The following CLSTN2 variants were observed in gnomAD, a reference collection of about 807,000 sequenced individuals.
CLSTN2 encodes the protein calsyntenin-2.
In CLSTN2, 48 loss-of-function variants were observed where a neutral mutation model predicts 101.2. The ratio of observed to expected loss-of-function variants is 0.47; its 90% CI spans 0.38 to 0.60. The LOEUF (loss-of-function observed/expected upper bound fraction) is 0.60, where lower values mean the gene tolerates loss of function less well. CLSTN2 is among the 20% of genes least tolerant of loss of function. CLSTN2 has a pLI of 0.00. For synonymous variants in CLSTN2, 481 were observed against 463.6 expected (o/e 1.04, Z -0.48); for missense variants, 1,160 against 1,238.2 (o/e 0.94, Z 0.95).
rs1216138191 is a variant in CLSTN2, at chr3:140,365,506, T to C, written c.233-38123T>C. ...AAATGGTCTTATTTGCACAGCCCTG[T>C]ACCATTGAATAGTCCTTCCACAGGT... is the stretch of plus-strand genomic sequence containing the variant. On this transcript the variant is annotated intron_variant, in intron 2 of 16. Transcript: ENST00000458420. 3.9e-5 allele frequency among the ~76,000 whole-genome samples: 6 copies of C among 152,180 alleles called. No homozygotes were observed. The East Asian group carries it at 1.2e-3, about 29-fold the overall frequency.
At chr3:140,488,769 T>C (rs952417057) in intron 8 of CLSTN2, among the ~76,000 whole-genome samples, 2 of 149,864 alleles carry the variant, frequency 1.3e-5, no homozygotes, top group Non-Finnish European at 3.0e-5. Context: ...CACATTCAGA[T>C]TGTGGTCTTA....
intron 3 of CLSTN2, 112 bp downstream of exon 3, chr3:140,403,936 A>G: frequency 1.2e-6 from 1 of 863,190 alleles, no homozygotes; most frequent in Admixed American, 2.9e-5. Context: ...ATGGTGCTCC[A>G]ACTTTGCTCA....
chr3:140,236,700 A>G lies in CLSTN2; in HGVS notation c.232+60627A>G, dbSNP rs145719130. On this transcript the variant is annotated intron_variant, in intron 2 of 16. Transcript: ENST00000458420. ...CTCTATTTCACTTTGTATAGTTTCT[A>G]TTGCTATGTCTTCAAGTTCACCACT... Among the ~76,000 whole-genome samples the G allele has an allele frequency of 3.2e-3, 492 of 151,880 alleles. 4 individuals carry two copies. Among genetic ancestry groups the G allele is most frequent in the Non-Finnish European group, 4.6e-3 (310 of 67,962 alleles).
Position 140,448,595 on chromosome 3 carries a change from C to T in CLSTN2, c.864C>T (p.Cys288=), listed in dbSNP as rs1453413472. ...TCCCCAGCATCCACCTGGAGACGTG[C>T]GATGGAGCCGTGTCTTCCCTCCAGA... is the stretch of plus-strand genomic sequence containing the variant. ...PLFPSIHLET[C]DGAVSSLQIV... The change falls in exon 6 of 17, where the codon TGC becomes TGT. Residue 288 remains cysteine, a synonymous_variant. Transcript: ENST00000458420. 11 of 1,614,024 alleles carry T rather than the reference C, an allele frequency of 6.8e-6. No homozygotes were observed. The highest frequency in any genetic ancestry group is 1.6e-4 in the Middle Eastern group (1 of 6,062).
chr3:140,418,085 A>G, intron 4 of CLSTN2, among the ~76,000 whole-genome samples: 1 of 152,228 alleles, frequency 6.6e-6, no homozygotes, highest in East Asian at 1.9e-4. Context: ...TTCCTTTTGT[A>G]AGAGGAGTAT....
At chr3:140,405,774 A>G (rs10513112) in intron 4 of CLSTN2, among the ~76,000 whole-genome samples, 61,312 of 151,814 alleles carry the variant, frequency 0.4, 14,747 homozygotes, top group South Asian at 0.61. Context: ...CACCTTCAAC[A>G]CCTAAAATCA....
chr3:140,310,554 C>G (rs565698562), intron 2 of CLSTN2, among the ~76,000 whole-genome samples: 1 of 152,140 alleles, frequency 6.6e-6, no homozygotes, highest in East Asian at 1.9e-4. Flanking sequence ...TTCTGGGCTG[C>G]GTAGTGCCCT....
rs185001501 is a variant in CLSTN2, at chr3:140,290,038, C to T, written c.233-113591C>T. On this transcript the variant is annotated intron_variant, in intron 2 of 16. Coordinates refer to ENST00000458420, the MANE Select transcript of CLSTN2 (RefSeq NM_022131.3). ...CATTTTTAAGGCTTTTAAAACTAGA[C>T]TTTATGTAAAAGGTAGAGAAATAAG... Among the ~76,000 whole-genome samples, 19 of 150,962 alleles carry T rather than the reference C, an allele frequency of 1.3e-4. No individual in the cohort carries two copies. In the East Asian group the frequency reaches 2.3e-3, roughly 19 times the overall value.
In CLSTN2 at chr3:139,982,988, G is replaced by A. The variant is rs1012760540; in HGVS notation, c.109+47505G>A. 4.0e-5 allele frequency among the ~76,000 whole-genome samples: 6 copies of A among 149,192 alleles called. No homozygotes were observed. In the South Asian group the frequency reaches 8.4e-4, roughly 21 times the overall value. ...ACTATATATACTTTATATATATAGT[G>A]TATATATATAATCTGGCTGTGCATG... On this transcript the variant is annotated intron_variant, in intron 1 of 16. Transcript: ENST00000458420.
At chr3:140,357,310 C>G (rs974304327) in intron 2 of CLSTN2, among the ~76,000 whole-genome samples, 2 of 152,098 alleles carry the variant, frequency 1.3e-5, no homozygotes, top group Admixed American at 1.3e-4. Context: ...ATATATGCAT[C>G]AGATGGTTAA....
intron 2 of CLSTN2, among the ~76,000 whole-genome samples, chr3:140,323,793 T>C (rs1461855393): frequency 6.6e-6 from 1 of 152,220 alleles, no homozygotes; most frequent in African/African-American, 2.4e-5. Context: ...ATTTTCTCAT[T>C]TAATAAGAAG....
intron 1 of CLSTN2, among the ~76,000 whole-genome samples, chr3:140,025,069 T>C (rs1415869843): frequency 6.6e-6 from 1 of 152,186 alleles, no homozygotes; most frequent in Non-Finnish European, 1.5e-5. Context: ...GTTGGTAACT[T>C]GTCTAGGGTC....
chr3:140,112,358 T>A (rs1040182737), intron 1 of CLSTN2, among the ~76,000 whole-genome samples: 1 of 132,060 alleles, frequency 7.6e-6, no homozygotes, highest in Admixed American at 7.9e-5. Flanking sequence ...AAAGTGTGTG[T>A]GTGTGTGTGT....
At chr3:140,440,998 TC>T (rs1226993953) in intron 5 of CLSTN2, among the ~76,000 whole-genome samples, 3 of 152,224 alleles carry the variant, frequency 2.0e-5, no homozygotes, top group Non-Finnish European at 4.4e-5. Context: ...TGGTTGCAGA[TC>T]CAGGGTTGAA....
At chr3:140,106,413 C>T (rs914685762) in intron 1 of CLSTN2, among the ~76,000 whole-genome samples, 2 of 152,176 alleles carry the variant, frequency 1.3e-5, no homozygotes, top group African/African-American at 4.8e-5. Context: ...ACCATGCAGG[C>T]CAGATGTCCA....
intron 1 of CLSTN2, among the ~76,000 whole-genome samples, chr3:140,119,067 A>G (rs2009295041): frequency 6.6e-6 from 1 of 152,202 alleles, no homozygotes; most frequent in East Asian, 1.9e-4. Flanking sequence ...CTCCCCACTA[A>G]CTTGGGCCCC....
chr3:140,155,442 T>C (rs923392753), intron 1 of CLSTN2, among the ~76,000 whole-genome samples: 1 of 152,076 alleles, frequency 6.6e-6, no homozygotes, highest in East Asian at 1.9e-4. Flanking sequence ...GAGGAGCAGG[T>C]CTGGGGAGGA....
intron 2 of CLSTN2, among the ~76,000 whole-genome samples, chr3:140,213,993 C>T (rs1209714887): frequency 6.6e-6 from 1 of 152,110 alleles, no homozygotes; most frequent in African/African-American, 2.4e-5. Flanking sequence ...CTAATCCATT[C>T]AATATTCAGT....
chr3:140,301,223 C>T (rs2087055263), intron 2 of CLSTN2, among the ~76,000 whole-genome samples: 1 of 152,170 alleles, frequency 6.6e-6, no homozygotes, highest in Non-Finnish European at 1.5e-5. Flanking sequence ...GACACATATA[C>T]TTAACCATCA....
Sources: gnomAD v4.1 joint callset for allele counts (sites outside exome capture counted in the v4.1 genomes callset) on GRCh38, gnomAD v4.1.1 for gene constraint, MANE v1.5 for transcripts, NCBI Gene and HGNC (gene_info 2026-07-23, HGNC 2026-07-21) for gene names.